Variants in BBS9 observed in about 807,000 individuals in gnomAD.
The protein encoded by BBS9 is protein PTHB1.
Under a neutral mutation model 117.7 loss-of-function variants are expected in BBS9, and 89 were observed. The observed-to-expected ratio is 0.76, with a 90% CI of 0.64 to 0.90. The LOEUF (loss-of-function observed/expected upper bound fraction) is 0.90. Ranked by LOEUF, BBS9 falls within the 40% of genes least tolerant of loss-of-function variation. The pLI, the probability that BBS9 is intolerant of heterozygous loss-of-function variation, is 0.00. For missense variants in BBS9, 982 were observed against 1,042.2 expected, an observed-to-expected ratio of 0.94 and a Z score of 0.80; for synonymous variants, 379 against 370.9, an observed-to-expected ratio of 1.02 and a Z score of -0.25.
chr7:33,297,111 A>G (rs963411049), intron 9 of BBS9, among the ~76,000 whole-genome samples: 2 of 152,206 alleles, frequency 1.3e-5, no homozygotes, highest in Admixed American at 6.5e-5. Context: ...TTAGAAAACA[A>G]GCCGGAGTAA....
At chr7:33,327,291 C>T (rs1018088230) in intron 9 of BBS9, among the ~76,000 whole-genome samples, 5 of 152,000 alleles carry the variant, frequency 3.3e-5, no homozygotes, top group East Asian at 3.9e-4. Context: ...GAGGAGCCAC[C>T]GGAGGATTAT....
At chr7:33,519,425 A>T (rs780330174) in intron 20 of BBS9, among the ~76,000 whole-genome samples, 3 of 152,202 alleles carry the variant, frequency 2.0e-5, no homozygotes, top group Non-Finnish European at 4.4e-5. Context: ...CTTCAGATTC[A>T]TTAGAATCAT....
At chr7:33,234,687 C>T (rs1484403086) in intron 5 of BBS9, among the ~76,000 whole-genome samples, 1 of 149,420 alleles carries the variant, frequency 6.7e-6, no homozygotes, top group South Asian at 2.2e-4. Flanking sequence ...CTATCTCCAT[C>T]CCTCCATCTA....
chr7:33,457,968 A>G (rs1009932087), intron 19 of BBS9, among the ~76,000 whole-genome samples: 1 of 152,154 alleles, frequency 6.6e-6, no homozygotes, highest in African/African-American at 2.4e-5. Context: ...CAGGATCAGG[A>G]AAAGGTTTGA....
At chr7:33,356,641 C>T (rs1028517208) in intron 15 of BBS9, among the ~76,000 whole-genome samples, 1 of 151,810 alleles carries the variant, frequency 6.6e-6, no homozygotes, top group Non-Finnish European at 1.5e-5. Flanking sequence ...AATATGCTTG[C>T]CATTGTTGAT....
intron 5 of BBS9, among the ~76,000 whole-genome samples, chr7:33,214,652 G>T (rs1467632804): frequency 6.6e-6 from 1 of 152,084 alleles, no homozygotes; most frequent in Non-Finnish European, 1.5e-5. Context: ...ATAAATGAAA[G>T]ATCTTTACAA....
chr7:33,619,779 A>G (rs953494339), intron 21 of BBS9, among the ~76,000 whole-genome samples: 4 of 152,164 alleles, frequency 2.6e-5, no homozygotes, highest in Admixed American at 2.0e-4. Flanking sequence ...TCAAAAAGGA[A>G]ATCCAAAAGT....
intron 19 of BBS9, among the ~76,000 whole-genome samples, chr7:33,474,489 G>A (rs573721337): frequency 4.0e-4 from 61 of 152,188 alleles, no homozygotes; most frequent in African/African-American, 1.3e-3. Flanking sequence ...TTCTTTCCAT[G>A]TCTCACTTTT....
intron 17 of BBS9, 59 bp from the exon 18 acceptor site, chr7:33,383,607 G>C (rs1162293649): frequency 1.4e-6 from 2 of 1,441,448 alleles, no homozygotes; most frequent in Non-Finnish European, 1.9e-6. Flanking sequence ...GATAGTTCAT[G>C]TAGCTTTATC....
chr7:33,215,675 T>C (rs1181657696), intron 5 of BBS9, among the ~76,000 whole-genome samples: 1 of 151,972 alleles, frequency 6.6e-6, no homozygotes, highest in Non-Finnish European at 1.5e-5. Flanking sequence ...TATTCAGCCA[T>C]AAAAATGAAA....
intron 21 of BBS9, among the ~76,000 whole-genome samples, chr7:33,595,164 A>T (rs1041579695): frequency 1.6e-4 from 24 of 152,324 alleles, no homozygotes; most frequent in African/African-American, 5.5e-4. Flanking sequence ...CGCCAAAAGC[A>T]ATTGCAACAA....
At chr7:33,196,157 A>G (rs111667799) in intron 5 of BBS9, among the ~76,000 whole-genome samples, 5 of 152,274 alleles carry the variant, frequency 3.3e-5, no homozygotes, top group Admixed American at 1.3e-4. Context: ...ACTGAAGGAT[A>G]AGTCAGTCAC....
At chr7:33,510,294 T>G (rs1846747147) in intron 20 of BBS9, among the ~76,000 whole-genome samples, 1 of 152,004 alleles carries the variant, frequency 6.6e-6, no homozygotes, top group Non-Finnish European at 1.5e-5. Context: ...TTTAAACATG[T>G]CTCGATTGAC....
At chr7:33,216,548 A>G (rs767934728) in intron 5 of BBS9, among the ~76,000 whole-genome samples, 7 of 152,246 alleles carry the variant, frequency 4.6e-5, no homozygotes, top group Non-Finnish European at 1.0e-4. Context: ...GATCTTTTAA[A>G]AAAAGAAATC....
chr7:33,144,021 T>C (rs947551291), intron 1 of BBS9, among the ~76,000 whole-genome samples: 1 of 152,132 alleles, frequency 6.6e-6, no homozygotes, highest in African/African-American at 2.4e-5. Flanking sequence ...ACATATTTTT[T>C]CCAGTTCTGT....
chr7:33,633,939 GTGC>G (rs1272307374), intron 21 of BBS9, among the ~76,000 whole-genome samples: 2 of 152,138 alleles, frequency 1.3e-5, no homozygotes, highest in East Asian at 3.9e-4. Context: ...CATGAAAACA[GTGC>G]TGCACCTAAT....
At chr7:33,492,651 A>G (rs536098479) in intron 19 of BBS9, among the ~76,000 whole-genome samples, 54 of 152,304 alleles carry the variant, frequency 3.5e-4, no homozygotes, top group African/African-American at 1.3e-3. Context: ...GCATTCAAAC[A>G]TTCAAATGCA....
intron 17 of BBS9, among the ~76,000 whole-genome samples, chr7:33,375,103 G>A (rs938839711): frequency 6.6e-6 from 1 of 151,998 alleles, no homozygotes; most frequent in Non-Finnish European, 1.5e-5. Context: ...CATAAAGACT[G>A]ATGTGATGCA....
chr7:33,391,445 T>TA (rs1827060284), intron 19 of BBS9, among the ~76,000 whole-genome samples: 1 of 152,188 alleles, frequency 6.6e-6, no homozygotes, highest in Non-Finnish European at 1.5e-5. Flanking sequence ...AGCATACCCA[T>TA]ACATACACAC....
Sources: gnomAD v4.1 joint callset for allele counts (sites outside exome capture counted in the v4.1 genomes callset) on GRCh38, gnomAD v4.1.1 for gene constraint, MANE v1.5 for transcripts, NCBI Gene and HGNC (gene_info 2026-07-23, HGNC 2026-07-21) for gene names.